OR13A1: variants seen among roughly 807,000 people sequenced by gnomAD.
The protein encoded by OR13A1 is olfactory receptor family 13 subfamily A member 1.
In OR13A1, 10 loss-of-function variants were observed where a neutral mutation model predicts 7.5. The observed-to-expected ratio is 1.34, with a 90% CI of 0.83 to 2.27. OR13A1 has a LOEUF of 2.27. Ranked by LOEUF, OR13A1 falls within the 30% of genes most tolerant of loss-of-function variation. The pLI is 0.00. For missense variants in OR13A1, 509 were observed against 419.1 expected (o/e 1.21, Z -1.87); for synonymous variants, 238 against 177.9 (o/e 1.34, Z -2.69).
chr10:45,315,499 A>T (rs1208894160), intron 1 of OR13A1, 25 bp downstream of exon 1: 1 of 152,178 alleles, frequency 6.6e-6, no homozygotes, highest in Non-Finnish European at 1.5e-5. Context: ...AAGGCCATAT[A>T]TGAAAAATCC....
intron 3 of OR13A1, 97 bp from the exon 4 acceptor site, chr10:45,304,531 T>C: frequency 9.5e-7 from 1 of 1,054,588 alleles, no homozygotes; most frequent in Admixed American, 2.3e-5. Flanking sequence ...CATTAGGGCA[T>C]ATTGATTAAG....
chr10:45,310,895 C>T (rs1365241086), intron 1 of OR13A1, among the ~76,000 whole-genome samples: 1 of 152,148 alleles, frequency 6.6e-6, no homozygotes, highest in Non-Finnish European at 1.5e-5. Context: ...AATATCCTTA[C>T]AAGGTATCCA....
At position 45,315,591 on chromosome 10, in the gene OR13A1, G is replaced by A. The variant is rs1055846623; in HGVS notation, c.-292C>T. The A allele has an allele frequency of 4.0e-5, 6 of 151,808 alleles. No individual in the cohort carries two copies. The highest frequency in any genetic ancestry group is 5.9e-5 in the Non-Finnish European group (4 of 67,960). 9.4% of individuals were successfully genotyped at this position (151,808 alleles called of 1,614,324 possible). A position where few individuals can be genotyped will look rare whatever the true frequency, so the allele number is the denominator to read the frequency against. ...CAAGACAAGTATACTCTGTCTCTTC[G>A]CTTCTATTCAATATAGTATTTGAAT... On this transcript the variant is annotated 5_prime_UTR_variant, in exon 1 of 4. Transcript: ENST00000553795.
At chr10:45,305,068 C>G (rs1028154068) in intron 3 of OR13A1, among the ~76,000 whole-genome samples, 7 of 151,992 alleles carry the variant, frequency 4.6e-5, no homozygotes, top group African/African-American at 1.7e-4. Flanking sequence ...CCATTCTCTA[C>G]TAAAAATACA....
intron 1 of OR13A1, among the ~76,000 whole-genome samples, chr10:45,313,242 T>A (rs1283675766): frequency 6.6e-6 from 1 of 151,714 alleles, no homozygotes; most frequent in Admixed American, 6.6e-5. Flanking sequence ...CTTTAAGATG[T>A]TTTTTATAAT....
At position 45,303,907 on chromosome 10, in the gene OR13A1, G is replaced by A. The variant is rs773399404; in HGVS notation, c.516C>T (p.Val172=). ...LATAVWLLCA[V]NTAIHTGLML... Reference sequence around the variant, plus strand: ...TCAGCCCCGTGTGGATGGCCGTGTTGACGGCGCAGAGCAGCCACACGGCTG... The same window carrying A: ...TCAGCCCCGTGTGGATGGCCGTGTTAACGGCGCAGAGCAGCCACACGGCTG... The change falls in exon 4 of 4, where the codon GTC becomes GTT. Residue 172 remains valine (V), a synonymous_variant. Transcript: ENST00000553795. 6.2e-7 allele frequency: 1 copy of A among 1,613,554 alleles called. No individual in the cohort carries two copies. The highest frequency in any genetic ancestry group is 8.5e-7 in the Non-Finnish European group (1 of 1,180,036).
chr10:45,304,177 G>T lies in OR13A1; in HGVS notation c.246C>A (p.Leu82=), dbSNP rs183865209. The T allele has an allele frequency of 6.6e-5, 106 of 1,614,212 alleles. 1 individual carries two copies. The highest frequency in any genetic ancestry group is 1.7e-4 in the Admixed American group (10 of 60,028). Residue 82 remains leucine, a synonymous_variant, in exon 4 of 4, where the codon CTC becomes CTA. Transcript: ENST00000553795. The part of the protein sequence containing the change: ...GLHAPMYFFL[L]NLATMDIICT... ...AGATAATGTCCATAGTAGCCAAGTT[G>T]AGTAAGAAAAAGTACATAGGAGCGT...
In OR13A1 at chr10:45,307,186, G is replaced by C. The variant is rs192518974; in HGVS notation, c.-13+240C>G. On this transcript the variant is annotated intron_variant, in intron 3 of 3. Coordinates refer to ENST00000553795, the MANE Select transcript of OR13A1 (RefSeq NM_001004297.3). ...CAGCTGTACCTGGGAGATGGAAAAC[G>C]CATCCATCACTGAACACCTACCAAG... 2.0e-5 allele frequency among the ~76,000 whole-genome samples: 3 copies of C among 152,292 alleles called. No homozygotes were observed. The East Asian group carries it at 5.8e-4, about 29-fold the overall frequency.
In OR13A1 at chr10:45,303,719, G is replaced by A; in HGVS notation, c.704C>T (p.Ser235Phe). The A allele has an allele frequency of 6.2e-7, 1 of 1,614,206 alleles. No individual in the cohort carries two copies. The highest frequency in any genetic ancestry group is 8.5e-7 in the Non-Finnish European group (1 of 1,180,044). The change falls in exon 4 of 4, where the codon TCC becomes TTC. Residue 235 changes from serine to phenylalanine, a missense_variant. Ser to Phe is a radical substitution (Grantham distance 155). Coordinates refer to ENST00000553795, the MANE Select transcript of OR13A1 (RefSeq NM_001004297.3). ...GATGCTGGAGACGATGAAGCCATAG[G>A]ACGCGATGGTCATCAGGAAGTTCAC... The part of the protein sequence containing the change: ...GIVNFLMTIA[S>F]YGFIVSSILK...
intron 1 of OR13A1, among the ~76,000 whole-genome samples, chr10:45,310,717 G>T (rs146216102): frequency 2.4e-3 from 371 of 152,246 alleles, no homozygotes; most frequent in African/African-American, 7.9e-3. Context: ...AGAATGAATT[G>T]TATATGTTAC....
rs1588947218 is a variant in OR13A1 at position 45,315,175 on chromosome 10, G to A, written c.-225+349C>T. 3.3e-5 allele frequency among the ~76,000 whole-genome samples: 5 copies of A among 152,082 alleles called. No individual in the cohort carries two copies. In the South Asian group the frequency reaches 8.3e-4, roughly 25 times the overall value. ...AGAATGATAGAACATGTGGCAGGGTGTGCTGGCTCATGCCTGTAATCCCAG... is the reference window on the plus strand; with the variant it reads ...AGAATGATAGAACATGTGGCAGGGTATGCTGGCTCATGCCTGTAATCCCAG... On this transcript the variant is annotated intron_variant, in intron 1 of 3. Coordinates refer to ENST00000553795, the MANE Select transcript of OR13A1 (RefSeq NM_001004297.3).
intron 3 of OR13A1, 140 bp from the exon 4 acceptor site, chr10:45,304,574 CG>C (rs1304626869): frequency 1.5e-6 from 1 of 672,158 alleles, no homozygotes; most frequent in African/African-American, 1.8e-5. Context: ...AGAAAAAAGG[CG>C]TGAACACTCA....
At chr10:45,310,309 G>C (rs1383649988) in intron 1 of OR13A1, among the ~76,000 whole-genome samples, 4 of 152,194 alleles carry the variant, frequency 2.6e-5, no homozygotes, top group African/African-American at 9.7e-5. Context: ...CTTCCAGACT[G>C]ATGGGGCAGT....
Position 45,303,509 on chromosome 10 carries a change from G to A in OR13A1, c.914C>T (p.Pro305Leu), listed in dbSNP as rs763528144. 6.2e-7 allele frequency: 1 copy of A among 1,614,134 alleles called. No homozygotes were observed. Among genetic ancestry groups the A allele is most frequent in the Non-Finnish European group, 8.5e-7 (1 of 1,180,016 alleles). The part of the protein sequence containing the change: ...LYTVLSPTLN[P>L]LIYTLRNKEV... The stretch of plus-strand genomic sequence containing the variant: ...CTTGTTTCTCAAAGTATAGATGAGG[G>A]GGTTGAGGGTAGGACTCAGCACAGT... Residue 305 changes from proline (P) to leucine (L), a missense_variant, in exon 4 of 4, where the codon CCC (proline) becomes CTC (leucine). Coordinates refer to ENST00000553795, the MANE Select transcript of OR13A1 (RefSeq NM_001004297.3).
chr10:45,302,923 A>G lies in OR13A1; in HGVS notation c.*513T>C, dbSNP rs1282934885. 5 of 152,998 alleles carry G rather than the reference A, an allele frequency of 3.3e-5. No homozygotes were observed. The highest frequency in any genetic ancestry group is 1.2e-4 in the African/African-American group (5 of 41,480). 9.5% of individuals were successfully genotyped at this position (152,998 alleles called of 1,614,324 possible). ...CTATTTTTGAAGTCCAAGTGGCTCC[A>G]GAGGAAACAGTTGAGGTAAGATAAT... On this transcript the variant is annotated 3_prime_UTR_variant, in exon 4 of 4. Coordinates refer to ENST00000553795, the MANE Select transcript of OR13A1 (RefSeq NM_001004297.3).
intron 1 of OR13A1, among the ~76,000 whole-genome samples, chr10:45,311,254 C>T (rs760661782): frequency 6.6e-6 from 1 of 152,182 alleles, no homozygotes; most frequent in East Asian, 1.9e-4. Context: ...TCAAGACATT[C>T]GCCTTCAACT....
Position 45,307,537 on chromosome 10 carries a change from A to T in OR13A1, c.-124T>A, listed in dbSNP as rs1256011273. 6.6e-6 allele frequency: 1 copy of T among 152,244 alleles called. No homozygotes were observed. Among genetic ancestry groups the T allele is most frequent in the South Asian group, 2.1e-4 (1 of 4,824 alleles). 9.4% of individuals were successfully genotyped at this position (152,244 alleles called of 1,614,324 possible). A position where few individuals can be genotyped will look rare whatever the true frequency, so the allele number is the denominator to read the frequency against. ...CTCTTTCCATGAGAATGACCACAAGATTTCTTTACAGCCTCAGCCAGTCAT... is the reference window on the plus strand; with the variant it reads ...CTCTTTCCATGAGAATGACCACAAGTTTTCTTTACAGCCTCAGCCAGTCAT... On this transcript the variant is annotated 5_prime_UTR_variant, in exon 3 of 4. Coordinates refer to ENST00000553795, the MANE Select transcript of OR13A1 (RefSeq NM_001004297.3).
chr10:45,305,792 C>A (rs573954367), intron 3 of OR13A1, among the ~76,000 whole-genome samples: 27 of 152,278 alleles, frequency 1.8e-4, no homozygotes, highest in African/African-American at 6.5e-4. Flanking sequence ...CATAATCAGC[C>A]CCCTCTTTCT....
At chr10:45,302,411 A>G (rs1212631530), downstream of OR13A1, 1 of 152,208 alleles carries the variant, frequency 6.6e-6, no homozygotes, top group Non-Finnish European at 1.5e-5. Context: ...TCTACGTGCC[A>G]AAGCTACAGT....
Sources: allele counts gnomAD v4.1 joint callset (sites outside exome capture counted in the v4.1 genomes callset), GRCh38; gene constraint gnomAD v4.1.1; transcripts MANE v1.5; gene names NCBI Gene and HGNC (gene_info 2026-07-23, HGNC 2026-07-21).